Variants in CTCF observed in about 807,000 individuals in gnomAD.
CTCF encodes CCCTC-binding factor.
CTCF carries 7 observed loss-of-function variants against 72.3 expected under a neutral mutation model. The ratio of observed to expected loss-of-function variants is 0.10; its 90% CI spans 0.06 to 0.18. The LOEUF is 0.18. CTCF is among the 10% of genes least tolerant of loss of function. The pLI is 1.00. For synonymous variants in CTCF, 374 were observed against 315.8 expected (o/e 1.18, Z -1.95); for missense variants, 516 against 949.1 (o/e 0.54, Z 6.00).
chr16:67,632,654 T>TC (rs11431121), intron 10 of CTCF, among the ~76,000 whole-genome samples: 147,281 of 152,260 alleles, frequency 0.97, 71,278 homozygotes, highest in East Asian at 1. Flanking sequence ...TGTGTGCTTT[T>TC]CCCCCAATTC....
chr16:67,596,084 G>C (rs530025647), intron 2 of CTCF, among the ~76,000 whole-genome samples: 2 of 152,104 alleles, frequency 1.3e-5, no homozygotes, highest in South Asian at 2.1e-4. Context: ...CTCCCGAGTA[G>C]CTGGGTCTAT....
At chr16:67,606,409 C>A (rs1183728552) in intron 2 of CTCF, among the ~76,000 whole-genome samples, 1 of 152,226 alleles carries the variant, frequency 6.6e-6, no homozygotes, top group Non-Finnish European at 1.5e-5. Flanking sequence ...TATGTAATTT[C>A]ACCTTGAACC....
At position 67,626,690 on chromosome 16, in the gene CTCF, A is replaced by G; in HGVS notation, c.1493A>G (p.Asp498Gly). 1 of 1,507,320 alleles carries G rather than the reference A, an allele frequency of 6.6e-7. No individual in the cohort carries two copies. Among genetic ancestry groups the G allele is most frequent in the Non-Finnish European group, 8.9e-7 (1 of 1,122,670 alleles). 93.4% of individuals were successfully genotyped at this position (1,507,320 alleles called of 1,614,324 possible). The change falls in exon 8 of 12, where the codon GAC (aspartate) becomes GGC (glycine). Residue 498 changes from aspartate (D) to glycine (G), a missense_variant. This residue lies in a region of CTCF where 81 missense variants were observed against 184.3 expected (regional missense o/e 0.44). Transcript: ENST00000264010. Reference protein sequence around the residue: ...SHKNEKRFKCDQCDYACRQER... With the variant: ...SHKNEKRFKCGQCDYACRQER... ...AAGAATGAGAAGCGCTTTAAGTGTG[A>G]CCAGTGTGATTACGCTTGTAGACAG...
At chr16:67,603,872 T>C (rs1269628504) in intron 2 of CTCF, among the ~76,000 whole-genome samples, 1 of 149,832 alleles carries the variant, frequency 6.7e-6, no homozygotes, top group African/African-American at 2.5e-5. Context: ...TTTATGCCTG[T>C]AATCCTAGCA....
intron 2 of CTCF, among the ~76,000 whole-genome samples, chr16:67,592,211 A>AG (rs2051754131): frequency 6.6e-6 from 1 of 152,216 alleles, no homozygotes; most frequent in South Asian, 2.1e-4. Context: ...CAGGAGTTTG[A>AG]GACCAGCCTG....
chr16:67,604,236 G>A (rs1405672394), intron 2 of CTCF, among the ~76,000 whole-genome samples: 1 of 152,096 alleles, frequency 6.6e-6, no homozygotes, highest in Non-Finnish European at 1.5e-5. Flanking sequence ...TGGAGCCCAG[G>A]AGTTGGAGGT....
At chr16:67,578,988 C>G (rs1247808481) in intron 2 of CTCF, among the ~76,000 whole-genome samples, 1 of 151,484 alleles carries the variant, frequency 6.6e-6, no homozygotes. Flanking sequence ...GGCGTGGTGG[C>G]TCACGCCTGT....
intron 7 of CTCF, among the ~76,000 whole-genome samples, chr16:67,624,583 GGTTTTTGTTTTT>G (rs543484324): frequency 6.6e-6 from 1 of 151,684 alleles, no homozygotes; most frequent in South Asian, 2.1e-4. Flanking sequence ...TTAACTCCAA[GGTTTTTGTTTTT>G]GTTTTTGTTT....
chr16:67,620,593 C>T (rs2052187953), intron 5 of CTCF, 104 bp from the exon 6 acceptor site: 1 of 921,270 alleles, frequency 1.1e-6, no homozygotes. Context: ...CTTCTGTATT[C>T]TGAACTTCAG....
chr16:67,633,630 C>T (rs908985221), intron 10 of CTCF, among the ~76,000 whole-genome samples: 4 of 151,976 alleles, frequency 2.6e-5, no homozygotes, highest in South Asian at 2.1e-4. Context: ...TCTGGCCAGG[C>T]GTGATGGATG....
chr16:67,570,333 G>A (rs894132197), intron 1 of CTCF, among the ~76,000 whole-genome samples: 1 of 152,120 alleles, frequency 6.6e-6, no homozygotes, highest in African/African-American at 2.4e-5. Context: ...GTCTGCCTCG[G>A]CCTCCCAAAG....
chr16:67,582,811 T>C (rs1419717643), intron 2 of CTCF, among the ~76,000 whole-genome samples: 1 of 152,080 alleles, frequency 6.6e-6, no homozygotes, highest in Non-Finnish European at 1.5e-5. Flanking sequence ...CCTGTTCTTG[T>C]TTTCTAAGTG....
chr16:67,563,562 C>G (rs1417716768), intron 1 of CTCF: 1 of 152,218 alleles, frequency 6.6e-6, no homozygotes, highest in African/African-American at 2.4e-5. Flanking sequence ...TGGCCGGACC[C>G]GACCGGTGCG....
intron 5 of CTCF, among the ~76,000 whole-genome samples, chr16:67,617,486 G>A (rs1362440985): frequency 7.3e-5 from 11 of 151,686 alleles, no homozygotes; most frequent in Non-Finnish European, 1.6e-4. Context: ...GCGACAGAGC[G>A]AGACTCCCTC....
chr16:67,628,922 C>T (rs1414224432), intron 9 of CTCF, among the ~76,000 whole-genome samples: 36 of 151,944 alleles, frequency 2.4e-4, no homozygotes, highest in Admixed American at 2.4e-3. Context: ...TAGCTGGGTG[C>T]GGTGGCGGGC....
chr16:67,637,620 C>T (rs575262375), intron 11 of CTCF, 68 bp from the exon 12 acceptor site: 7 of 1,407,204 alleles, frequency 5.0e-6, no homozygotes, highest in Non-Finnish European at 9.8e-7. Flanking sequence ...CGCTGTCAGT[C>T]TAAAAGACCC....
At chr16:67,606,975 C>T (rs2051982461) in intron 2 of CTCF, among the ~76,000 whole-genome samples, 1 of 151,870 alleles carries the variant, frequency 6.6e-6, no homozygotes, top group East Asian at 1.9e-4. Flanking sequence ...TTTTTTGAGA[C>T]AGAGGCTCGC....
intron 10 of CTCF, among the ~76,000 whole-genome samples, chr16:67,633,334 C>A (rs2052388152): frequency 6.6e-6 from 1 of 152,106 alleles, no homozygotes; most frequent in Admixed American, 6.6e-5. Context: ...GTCAGATGTC[C>A]CAGGTCACGT....
At chr16:67,610,589 C>T (rs560456975) in intron 2 of CTCF, 29 of 196,316 alleles carry the variant, frequency 1.5e-4, no homozygotes, top group East Asian at 1.1e-3. Context: ...CTCCTGACCT[C>T]GTGATCCGCC....
Sources: gnomAD v4.1 joint callset for allele counts (sites outside exome capture counted in the v4.1 genomes callset) on GRCh38, gnomAD v4.1.1 for gene constraint, gnomAD v4.1.1 regional missense constraint, MANE v1.5 for transcripts, NCBI Gene and HGNC (gene_info 2026-07-23, HGNC 2026-07-21) for gene names.